Variants in NTRK3 observed in about 807,000 individuals in gnomAD.
The protein encoded by NTRK3 is neurotrophic receptor tyrosine kinase 3.
A neutral mutation model predicts 91.7 loss-of-function variants in NTRK3; 24 were observed. That is an observed-to-expected ratio of 0.26 (90% CI 0.19 to 0.37). NTRK3 has a LOEUF of 0.37. Ranked by LOEUF, NTRK3 falls within the 10% of genes least tolerant of loss-of-function variation. NTRK3 has a pLI of 1.00. For missense variants in NTRK3, 880 were observed against 1,068.9 expected (o/e 0.82, Z 2.46); for synonymous variants, 483 against 404.0 (o/e 1.20, Z -2.34).
intron 13 of NTRK3, among the ~76,000 whole-genome samples, chr15:88,108,842 A>G (rs2050999431): frequency 6.6e-6 from 1 of 152,188 alleles, no homozygotes; most frequent in Admixed American, 6.5e-5. Flanking sequence ...GCCCTACCCC[A>G]GACCTATCAA....
At chr15:88,186,349 C>G (rs79330170) in intron 3 of NTRK3, among the ~76,000 whole-genome samples, 4 of 152,200 alleles carry the variant, frequency 2.6e-5, no homozygotes, top group African/African-American at 9.7e-5. Flanking sequence ...CTTCTCAGCC[C>G]TCATGTCCTT....
intron 17 of NTRK3, among the ~76,000 whole-genome samples, chr15:87,915,044 G>C (rs2067351942): frequency 2.0e-5 from 3 of 152,158 alleles, no homozygotes; most frequent in Admixed American, 2.0e-4. Context: ...CGTTGGTGAT[G>C]GTGATGATGG....
At chr15:88,028,648 C>A (rs903851748) in intron 14 of NTRK3, among the ~76,000 whole-genome samples, 1 of 152,052 alleles carries the variant, frequency 6.6e-6, no homozygotes, top group African/African-American at 2.4e-5. Flanking sequence ...GGGGATGACT[C>A]TGGGAAGATG....
chr15:87,870,838 A>T (rs571132634), exon 19 of NTRK3: 2 of 225,236 alleles, frequency 8.9e-6, no homozygotes, highest in African/African-American at 4.4e-5. Flanking sequence ...TACATCTTCT[A>T]TTAGAAACTT....
At chr15:88,072,296 G>T in intron 13 of NTRK3, 1 of 184,998 alleles carries the variant, frequency 5.4e-6, no homozygotes, top group Non-Finnish European at 1.1e-5. Flanking sequence ...AAGCTACCGC[G>T]CCTGGCCCCA....
intron 13 of NTRK3, among the ~76,000 whole-genome samples, chr15:88,060,383 CAAAA>C (rs11289394): frequency 2.3e-5 from 2 of 86,324 alleles, no homozygotes. Context: ...GACTCCATCT[CAAAA>C]AAAAAAAAAA....
At chr15:88,056,146 G>A (rs1241072062) in intron 13 of NTRK3, among the ~76,000 whole-genome samples, 3 of 141,644 alleles carry the variant, frequency 2.1e-5, no homozygotes, top group Non-Finnish European at 4.6e-5. Context: ...GGACAACGTG[G>A]GTGAAGCATT....
At chr15:87,905,757 A>G (rs1357799948) in intron 17 of NTRK3, among the ~76,000 whole-genome samples, 2 of 152,162 alleles carry the variant, frequency 1.3e-5, no homozygotes, top group African/African-American at 4.8e-5. Flanking sequence ...GACACCATGC[A>G]TGGTCCCTCC....
intron 12 of NTRK3, 139 bp from the exon 13 acceptor site, chr15:88,126,512 G>A (rs974659008): frequency 6.6e-6 from 4 of 605,880 alleles, no homozygotes; most frequent in Non-Finnish European, 8.9e-6. Context: ...ACTGAGTAAG[G>A]TCTTTAGAAG....
chr15:88,148,310 C>G (rs1238766779), intron 5 of NTRK3, among the ~76,000 whole-genome samples: 1 of 152,188 alleles, frequency 6.6e-6, no homozygotes, highest in Non-Finnish European at 1.5e-5. Flanking sequence ...TGAGGCTACA[C>G]TGACGAATGA....
At chr15:88,093,250 A>C (rs754264129) in intron 13 of NTRK3, among the ~76,000 whole-genome samples, 1 of 152,024 alleles carries the variant, frequency 6.6e-6, no homozygotes, top group Non-Finnish European at 1.5e-5. Context: ...AAAATCAAAC[A>C]TCTATTCTTC....
Position 87,885,471 on chromosome 15 carries a change from C to A in NTRK3, c.2134-5043G>T, listed in dbSNP as rs2117655. Among the ~76,000 whole-genome samples, 79,202 of 151,496 alleles carry A rather than the reference C, an allele frequency of 0.52. 22,698 individuals carry two copies. Among genetic ancestry groups the A allele is most frequent in the Non-Finnish European group, 0.64 (43,442 of 67,656 alleles). On this transcript the variant is annotated intron_variant, in intron 17 of 18. Transcript: ENST00000394480. ...AAGATATACTTGAAATAGAACAATA[C>A]GGGAGAGTTACTCTATCAGATAGCA... is the stretch of plus-strand genomic sequence containing the variant.
intron 13 of NTRK3, among the ~76,000 whole-genome samples, chr15:88,114,527 C>A (rs1253685451): frequency 6.6e-6 from 1 of 152,118 alleles, no homozygotes; most frequent in African/African-American, 2.4e-5. Flanking sequence ...AAATATCATT[C>A]TTGGTATGCA....
chr15:87,892,580 A>G (rs968917889), intron 17 of NTRK3, among the ~76,000 whole-genome samples: 2 of 152,150 alleles, frequency 1.3e-5, no homozygotes, highest in African/African-American at 4.8e-5. Flanking sequence ...TGATATGTAT[A>G]TTATTTTGTC....
chr15:88,235,604 C>G lies in NTRK3; in HGVS notation c.248+20302G>C, dbSNP rs183793785. Reference sequence around the variant, plus strand: ...GGGTGGATGGAGAACCCCAAGGAAACGACCCAGCCCTGCTAAAGAGCACCA... The same window carrying G: ...GGGTGGATGGAGAACCCCAAGGAAAGGACCCAGCCCTGCTAAAGAGCACCA... On this transcript the variant is annotated intron_variant, in intron 3 of 18. Transcript: ENST00000394480. The surrounding 1 kb of genome is among the most constrained non-coding windows in gnomAD (Gnocchi z 5.2). Among the ~76,000 whole-genome samples, 4 of 152,184 alleles carry G rather than the reference C, an allele frequency of 2.6e-5. No individual in the cohort carries two copies. The highest frequency in any genetic ancestry group is 5.9e-5 in the Non-Finnish European group (4 of 68,036).
intron 17 of NTRK3, 109 bp downstream of exon 17, chr15:87,929,082 G>A: frequency 6.6e-7 from 1 of 1,521,382 alleles, no homozygotes; most frequent in Non-Finnish European, 9.1e-7. Flanking sequence ...CTGGGCATGG[G>A]TGTGTATATG....
intron 5 of NTRK3, among the ~76,000 whole-genome samples, chr15:88,172,894 G>A (rs2045649810): frequency 6.6e-6 from 1 of 152,174 alleles, no homozygotes; most frequent in Non-Finnish European, 1.5e-5. Flanking sequence ...AAGGGTACCA[G>A]GAGCAGTACC....
chr15:88,159,577 A>C lies in NTRK3; in HGVS notation c.396-12174T>G, dbSNP rs2044241268. ...TTTTGTTTTCCCCATGGGCAAGTTG[A>C]CTTTGGCTCCAATCAAATCCCTCTG... On this transcript the variant is annotated intron_variant, in intron 5 of 18. Transcript: ENST00000394480. Among the ~76,000 whole-genome samples the C allele has an allele frequency of 2.0e-5, 3 of 152,284 alleles. No individual in the cohort carries two copies. The South Asian group carries it at 6.2e-4, about 32-fold the overall frequency.
Position 88,051,509 on chromosome 15 carries a change from G to A in NTRK3, c.1397-18464C>T, listed in dbSNP as rs8029615. ...AGGCAACAGTGTTTATCACAATGAGGAGCATGTCTCAGTCAAAAGCATCAT... is the reference window on the plus strand; with the variant it reads ...AGGCAACAGTGTTTATCACAATGAGAAGCATGTCTCAGTCAAAAGCATCAT... On this transcript the variant is annotated intron_variant, in intron 13 of 18. Transcript: ENST00000394480. 4.4e-3 allele frequency among the ~76,000 whole-genome samples: 668 copies of A among 152,314 alleles called. 12 individuals carry two copies. Among genetic ancestry groups the A allele is most frequent in the Admixed American group, 0.033 (509 of 15,296 alleles).
Sources: allele counts gnomAD v4.1 joint callset (sites outside exome capture counted in the v4.1 genomes callset), GRCh38; gene constraint gnomAD v4.1.1; non-coding constraint Gnocchi (gnomAD v3.1); transcripts MANE v1.5; gene names NCBI Gene and HGNC (gene_info 2026-07-23, HGNC 2026-07-21).